The following MCTP2 variants were observed in gnomAD, a reference collection of about 807,000 sequenced individuals.
MCTP2 encodes the protein multiple C2 and transmembrane domain-containing protein 2.
A neutral mutation model predicts 111.6 loss-of-function variants in MCTP2; 132 were observed. The observed-to-expected ratio is 1.18, with a 90% CI of 1.03 to 1.37. MCTP2 has a LOEUF of 1.37. Ranked by LOEUF, MCTP2 falls within the 40% of genes most tolerant of loss-of-function variation. The pLI is 0.00. For missense variants in MCTP2, 1,183 were observed against 1,067.9 expected, an observed-to-expected ratio of 1.11 and a Z score of -1.50; for synonymous variants, 395 against 387.7, an observed-to-expected ratio of 1.02 and a Z score of -0.22.
intron 2 of MCTP2, among the ~76,000 whole-genome samples, chr15:94,305,703 A>G (rs1297782251): frequency 6.6e-6 from 1 of 152,148 alleles, no homozygotes; most frequent in Non-Finnish European, 1.5e-5. Context: ...CTTTCCAGCC[A>G]CTGCCAAAGG....
chr15:94,394,157 T>C (rs2081156112), intron 14 of MCTP2, among the ~76,000 whole-genome samples: 1 of 151,934 alleles, frequency 6.6e-6, no homozygotes, highest in South Asian at 2.1e-4. Flanking sequence ...GTAAATGCTA[T>C]AGCCAGACCA....
intron 14 of MCTP2, among the ~76,000 whole-genome samples, chr15:94,391,240 C>T (rs977370164): frequency 7.9e-5 from 12 of 152,120 alleles, no homozygotes; most frequent in African/African-American, 2.9e-4. Context: ...ATGGCTTGTA[C>T]CAAATAAATG....
intron 10 of MCTP2, among the ~76,000 whole-genome samples, chr15:94,359,625 C>A (rs2060371): frequency 0.45 from 68,299 of 151,948 alleles, 15,528 homozygotes; most frequent in Admixed American, 0.5. Context: ...ATTCCATTTG[C>A]AGAAAGGGTT....
rs190223426 is a variant in MCTP2 at position 94,422,250 on chromosome 15, G to A, written c.2086-17926G>A. 2.0e-5 allele frequency among the ~76,000 whole-genome samples: 3 copies of A among 152,238 alleles called. No individual in the cohort carries two copies. The East Asian group carries it at 5.8e-4, about 29-fold the overall frequency. On this transcript the variant is annotated intron_variant, in intron 17 of 22. Coordinates refer to ENST00000357742, the MANE Select transcript of MCTP2 (RefSeq NM_001385001.1). ...CGTGAGCTTTCATGGGGAGAGGAATGGATGGGCTAGTTCCAGGGGCCAATC... is the reference window on the plus strand; with the variant it reads ...CGTGAGCTTTCATGGGGAGAGGAATAGATGGGCTAGTTCCAGGGGCCAATC...
intron 21 of MCTP2, chr15:94,476,417 T>TC (rs2074356327): frequency 4.3e-6 from 1 of 233,792 alleles, no homozygotes; most frequent in Non-Finnish European, 8.4e-6. Flanking sequence ...GCAGAGCCCC[T>TC]CTTCACCAGC....
In MCTP2 at chr15:94,263,795, G is replaced by A. The variant is rs79497749; in HGVS notation, c.-66+32131G>A. ...TAGAGTGATTCACATTTTTTTGCAC[G>A]TGTCTGTGAATGACCACAAAAGTGC... is the stretch of plus-strand genomic sequence containing the variant. On this transcript the variant is annotated intron_variant, in intron 1 of 22. Coordinates refer to ENST00000357742, the MANE Select transcript of MCTP2 (RefSeq NM_001385001.1). Among the ~76,000 whole-genome samples the A allele has an allele frequency of 5.7e-3, 863 of 152,272 alleles. 8 individuals are homozygous for A. The highest frequency in any genetic ancestry group is 0.019 in the African/African-American group (801 of 41,552).
intron 1 of MCTP2, among the ~76,000 whole-genome samples, chr15:94,276,219 A>G (rs912407499): frequency 1.3e-5 from 2 of 152,162 alleles, no homozygotes; most frequent in Non-Finnish European, 2.9e-5. Context: ...ATAATACTAA[A>G]AATAATAGGG....
intron 19 of MCTP2, among the ~76,000 whole-genome samples, chr15:94,446,173 A>G (rs533550266): frequency 6.6e-6 from 1 of 152,346 alleles, no homozygotes; most frequent in East Asian, 1.9e-4. Flanking sequence ...TCTTTTGCAG[A>G]CTTTCAGGGA....
chr15:94,385,510 C>G lies in MCTP2; in HGVS notation c.1773C>G (p.Ala591=). The G allele has an allele frequency of 6.2e-7, 1 of 1,611,328 alleles. No homozygotes were observed. Among genetic ancestry groups the G allele is most frequent in the African/African-American group, 1.3e-5 (1 of 74,966 alleles). ...CCCCAGATTTTCTTGGAAAAGTTGC[C>G]ATTCCCTTGCTGTCCGTAAGTTTCC... The part of the protein sequence containing the change: ...DKPPDFLGKV[A]IPLLSIRDGQ... The change falls in exon 14 of 23, where the codon GCC becomes GCG. Residue 591 remains alanine (A), a synonymous_variant. Coordinates refer to ENST00000357742, the MANE Select transcript of MCTP2 (RefSeq NM_001385001.1).
chr15:94,472,272 G>T (rs1007618449), intron 21 of MCTP2, among the ~76,000 whole-genome samples: 5 of 152,202 alleles, frequency 3.3e-5, no homozygotes, highest in African/African-American at 1.2e-4. Context: ...AGCTACCTGG[G>T]AGGCTGAGGC....
intron 10 of MCTP2, among the ~76,000 whole-genome samples, chr15:94,366,868 G>T (rs2079210789): frequency 6.6e-6 from 1 of 152,092 alleles, no homozygotes; most frequent in Admixed American, 6.6e-5. Flanking sequence ...CCCCTTTTTG[G>T]TGTTTGCTTC....
chr15:94,356,428 G>C, intron 9 of MCTP2, 127 bp downstream of exon 9: 1 of 826,772 alleles, frequency 1.2e-6, no homozygotes, highest in Non-Finnish European at 1.7e-6. Context: ...CTATATTAAA[G>C]AGCAGAAAAC....
Position 94,300,783 on chromosome 15 carries a change from C to G in MCTP2, c.465+2053C>G, listed in dbSNP as rs143775760. ...TGTGTGGAAAATGAGGGCATGTTATCTGTGAAGCAGTGTCCAAGTTGGCAC... is the reference window on the plus strand; with the variant it reads ...TGTGTGGAAAATGAGGGCATGTTATGTGTGAAGCAGTGTCCAAGTTGGCAC... On this transcript the variant is annotated intron_variant, in intron 2 of 22. Transcript: ENST00000357742. 2.4e-4 allele frequency among the ~76,000 whole-genome samples: 37 copies of G among 152,242 alleles called. 1 individual carries two copies. The East Asian group carries it at 6.4e-3, about 26-fold the overall frequency.
intron 2 of MCTP2, among the ~76,000 whole-genome samples, chr15:94,305,862 A>AT (rs2075855298): frequency 2.0e-5 from 3 of 152,042 alleles, no homozygotes; most frequent in Admixed American, 1.3e-4. Context: ...AGAGGAGCTT[A>AT]TTTTTTTATT....
intron 21 of MCTP2, among the ~76,000 whole-genome samples, chr15:94,474,038 A>C (rs1451950949): frequency 6.6e-6 from 1 of 152,044 alleles, no homozygotes; most frequent in Non-Finnish European, 1.5e-5. Context: ...CCAGTACATG[A>C]TAGCATCTTT....
At chr15:94,258,159 A>G (rs1385567841) in intron 1 of MCTP2, among the ~76,000 whole-genome samples, 4 of 151,074 alleles carry the variant, frequency 2.6e-5, no homozygotes, top group Non-Finnish European at 5.9e-5. Flanking sequence ...TACAGGTGTG[A>G]GCCACTGTGC....
chr15:94,309,435 T>C (rs768680926), intron 2 of MCTP2, among the ~76,000 whole-genome samples: 3 of 152,260 alleles, frequency 2.0e-5, no homozygotes, highest in Non-Finnish European at 4.4e-5. Context: ...ATTTAGCTTT[T>C]CTGGATGTGG....
intron 1 of MCTP2, among the ~76,000 whole-genome samples, chr15:94,244,779 CACAT>C (rs1248409975): frequency 2.8e-4 from 42 of 147,772 alleles, no homozygotes; most frequent in African/African-American, 8.8e-4. Flanking sequence ...TATATGTATA[CACAT>C]ACATATGCAC....
chr15:94,437,877 G>A (rs529799561), intron 17 of MCTP2, among the ~76,000 whole-genome samples: 1 of 151,902 alleles, frequency 6.6e-6, no homozygotes, highest in South Asian at 2.1e-4. Context: ...AGAAAAATGG[G>A]GATCATTACA....
Sources: gnomAD v4.1 joint callset for allele counts (sites outside exome capture counted in the v4.1 genomes callset) on GRCh38, gnomAD v4.1.1 for gene constraint, MANE v1.5 for transcripts, NCBI Gene and HGNC (gene_info 2026-07-23, HGNC 2026-07-21) for gene names.